The following RNF14 variants were observed in gnomAD, a reference collection of about 807,000 sequenced individuals.
RNF14 encodes the protein ring finger protein 14.
Under a neutral mutation model 52.6 loss-of-function variants are expected in RNF14, and 26 were observed. The ratio of observed to expected loss-of-function variants is 0.49; its 90% CI spans 0.36 to 0.69. RNF14 has a LOEUF of 0.69. Among genes scored for constraint, RNF14 ranks in the 30% least tolerant of loss-of-function variants. The pLI is 0.00. For synonymous variants in RNF14, 194 were observed against 202.0 expected (o/e 0.96, Z 0.34); for missense variants, 404 against 560.4 (o/e 0.72, Z 2.82).
At chr5:141,980,472 G>C (rs1754671283) in intron 6 of RNF14, 121 bp downstream of exon 6, 2 of 776,200 alleles carry the variant, frequency 2.6e-6, no homozygotes, top group South Asian at 3.4e-5. Flanking sequence ...AGATATTTCT[G>C]TGTCAGTGAC....
At chr5:141,984,101 CTTTT>C (rs201857998) in intron 7 of RNF14, among the ~76,000 whole-genome samples, 1 of 136,646 alleles carries the variant, frequency 7.3e-6, no homozygotes. Flanking sequence ...TATGTAATCA[CTTTT>C]TTTTTTTTTT....
chr5:141,958,294 G>A (rs1031934382), upstream of RNF14: 3 of 163,738 alleles, frequency 1.8e-5, no homozygotes, highest in South Asian at 1.6e-4. Flanking sequence ...TAGAGAAAGA[G>A]CATTTCCTGT....
chr5:141,955,595 G>A (rs748195711), upstream of RNF14: 27 of 1,614,140 alleles, frequency 1.7e-5, no homozygotes, highest in East Asian at 6.7e-5. This position sits in a 1 kb window ranked among gnomAD's most constrained non-coding sequence, Gnocchi z 5.5. Flanking sequence ...TCGGCCTCCC[G>A]ACAGTTGTAG....
chr5:141,974,377 A>T (rs1324190065), intron 3 of RNF14, among the ~76,000 whole-genome samples: 2 of 152,228 alleles, frequency 1.3e-5, no homozygotes. Context: ...CAACTGATTC[A>T]TGGGTAGTTG....
the RNF14 span, among the ~76,000 whole-genome samples, chr5:141,950,974 T>G: frequency 6.6e-6 from 1 of 152,154 alleles, no homozygotes; most frequent in Non-Finnish European, 1.5e-5. Flanking sequence ...CTTGCTCAAG[T>G]TTACATAGCT....
intron 4 of RNF14, among the ~76,000 whole-genome samples, chr5:141,978,048 A>G (rs777021642): frequency 7.2e-5 from 11 of 152,070 alleles, no homozygotes; most frequent in Admixed American, 2.0e-4. Context: ...GAGTCTTGCT[A>G]TTTCTCTTCT....
chr5:141,965,062 G>A (rs1753311849), upstream of RNF14, among the ~76,000 whole-genome samples: 1 of 152,170 alleles, frequency 6.6e-6, no homozygotes, highest in Non-Finnish European at 1.5e-5. Context: ...CTGTACTGGG[G>A]TAGGGCTCAT....
chr5:141,956,428 G>A, upstream of RNF14: 1 of 1,614,180 alleles, frequency 6.2e-7, no homozygotes, highest in Non-Finnish European at 8.5e-7. Flanking sequence ...GTGAAGAGAG[G>A]GTAAGTTGTT....
upstream of RNF14, chr5:141,955,836 C>A (rs149764925): frequency 6.2e-7 from 1 of 1,614,096 alleles, no homozygotes; most frequent in Non-Finnish European, 8.5e-7. This position sits in a 1 kb window ranked among gnomAD's most constrained non-coding sequence, Gnocchi z 5.5. Context: ...CTATCTCCAG[C>A]TCCCACTCAC....
At chr5:141,957,602 C>G (rs1253454856), upstream of RNF14, 9 of 1,614,098 alleles carry the variant, frequency 5.6e-6, no homozygotes, top group Non-Finnish European at 6.8e-6. The surrounding 1 kb of genome is among the most constrained non-coding windows in gnomAD (Gnocchi z 4.3). Context: ...CTGAGCAAGC[C>G]TTCCTCAGAG....
the RNF14 span, among the ~76,000 whole-genome samples, chr5:141,949,859 A>T: frequency 1.3e-5 from 2 of 152,220 alleles, no homozygotes; most frequent in Admixed American, 6.5e-5. Flanking sequence ...AGAGCCTGGC[A>T]CATTGTAAGC....
chr5:141,955,254 G>C, upstream of RNF14: 1 of 1,614,204 alleles, frequency 6.2e-7, no homozygotes, highest in Non-Finnish European at 8.5e-7. This position sits in a 1 kb window ranked among gnomAD's most constrained non-coding sequence, Gnocchi z 5.5. Context: ...GCTGGGGCTC[G>C]GGAAGGTTCA....
intron 4 of RNF14, among the ~76,000 whole-genome samples, chr5:141,977,839 A>G (rs1467282164): frequency 6.6e-6 from 1 of 152,274 alleles, no homozygotes; most frequent in Non-Finnish European, 1.5e-5. Flanking sequence ...CTTGGATAGT[A>G]TTTTTAAACT....
upstream of RNF14, among the ~76,000 whole-genome samples, chr5:141,965,440 G>A (rs886168084): frequency 6.6e-6 from 1 of 152,210 alleles, no homozygotes; most frequent in African/African-American, 2.4e-5. Flanking sequence ...GGGGGTGGGA[G>A]TTGGGTCTCT....
Position 141,979,678 on chromosome 5 carries a change from G to T in RNF14, c.835-445G>T, listed in dbSNP as rs569354671. On this transcript the variant is annotated intron_variant, in intron 5 of 8. Coordinates refer to ENST00000394520, the MANE Select transcript of RNF14 (RefSeq NM_004290.5). ...TTTGGGAGGCCAAGATAGGAGGATC[G>T]CTTGAGGCTAGGGGTTTAAAACCAG... Among the ~76,000 whole-genome samples the T allele has an allele frequency of 5.3e-4, 80 of 152,274 alleles. 1 individual carries two copies. The highest frequency in any genetic ancestry group is 1.2e-3 in the Admixed American group (18 of 15,302).
chr5:141,951,101 G>A, the RNF14 span, among the ~76,000 whole-genome samples: 2 of 152,314 alleles, frequency 1.3e-5, no homozygotes, highest in Admixed American at 1.3e-4. Flanking sequence ...CGCCCACACA[G>A]CCATGTCTTT....
chr5:141,982,080 A>G (rs1457319694), intron 6 of RNF14, among the ~76,000 whole-genome samples: 1 of 152,182 alleles, frequency 6.6e-6, no homozygotes, highest in Non-Finnish European at 1.5e-5. Context: ...AGACTTCTGT[A>G]ACCTTTTCAT....
chr5:141,957,983 C>T, upstream of RNF14: 2 of 1,029,472 alleles, frequency 1.9e-6, no homozygotes, highest in Non-Finnish European at 2.8e-6. This position sits in a 1 kb window ranked among gnomAD's most constrained non-coding sequence, Gnocchi z 4.3. Context: ...CAACCTTGTC[C>T]CATAGTTAGA....
At chr5:141,982,528 C>CT (rs1340519883) in intron 6 of RNF14, 1 of 152,202 alleles carries the variant, frequency 6.6e-6, no homozygotes, top group Non-Finnish European at 1.5e-5. Flanking sequence ...TGAGAAAACT[C>CT]TTTAATTAAT....
Sources: gnomAD v4.1 joint callset for allele counts (sites outside exome capture counted in the v4.1 genomes callset) on GRCh38, gnomAD v4.1.1 for gene constraint, Gnocchi (gnomAD v3.1) non-coding constraint, MANE v1.5 for transcripts, NCBI Gene and HGNC (gene_info 2026-07-23, HGNC 2026-07-21) for gene names.